The following ADGRB1 variants were observed in gnomAD, a reference collection of about 807,000 sequenced individuals.
ADGRB1 encodes brain-specific angiogenesis inhibitor 1.
ADGRB1 carries 36 observed loss-of-function variants against 175.7 expected under a neutral mutation model. The ratio of observed to expected loss-of-function variants is 0.20; its 90% CI spans 0.16 to 0.27. ADGRB1 has a LOEUF of 0.27. Ranked by LOEUF, ADGRB1 falls within the 10% of genes least tolerant of loss-of-function variation. The pLI is 1.00. For synonymous variants in ADGRB1, 1,054 were observed against 979.4 expected (o/e 1.08, Z -1.42); for missense variants, 1,731 against 2,255.3 (o/e 0.77, Z 4.71).
chr8:142,537,047 G>T lies in ADGRB1; in HGVS notation c.3631G>T (p.Gly1211Trp). 1 of 1,583,646 alleles carries T rather than the reference G, an allele frequency of 6.3e-7. No individual in the cohort carries two copies. ...GCAGGAGGAGGGCAACGGGGACTCA[G>T]GGGGCTCCTTCCAGAACGGCCACGC... is the stretch of plus-strand genomic sequence containing the variant. ...DRQEEGNGDS[G>W]GSFQNGHAQL... Residue 1211 changes from glycine to tryptophan, a missense_variant, in exon 26 of 31, where the codon GGG becomes TGG. Coordinates refer to ENST00000517894, the MANE Select transcript of ADGRB1 (RefSeq NM_001702.3). This position sits in a 1 kb window ranked among gnomAD's most constrained non-coding sequence, Gnocchi z 4.6.
At chr8:142,539,542 C>A in intron 27 of ADGRB1, 129 bp downstream of exon 27, 1 of 1,181,190 alleles carries the variant, frequency 8.5e-7, no homozygotes, top group Non-Finnish European at 1.2e-6. Flanking sequence ...CCACACCCAG[C>A]CACACCGTCA....
At chr8:142,507,846 G>A (rs911947295) in intron 17 of ADGRB1, among the ~76,000 whole-genome samples, 3 of 152,182 alleles carry the variant, frequency 2.0e-5, no homozygotes, top group African/African-American at 7.2e-5. Flanking sequence ...ACAGGGAAAA[G>A]CGGTCTGCAG....
chr8:142,539,295 T>C, intron 26 of ADGRB1, 79 bp from the exon 27 acceptor site: 1 of 1,453,538 alleles, frequency 6.9e-7, no homozygotes, highest in South Asian at 1.3e-5. Context: ...ACCGTGGCCC[T>C]CCCGAGCGGT....
In ADGRB1 at chr8:142,542,398, CCCCGCCCGCAG is replaced by C; in HGVS notation, c.4172_4182del (p.Arg1391LeufsTer89). On this transcript the variant is annotated frameshift_variant, in exon 28 of 31. Transcript: ENST00000517894. LOFTEE classifies it high-confidence loss of function. This position sits in a 1 kb window ranked among gnomAD's most constrained non-coding sequence, Gnocchi z 6.3. Reference sequence around the variant, plus strand: ...TCAGCACGGCCCCCGAGGCCAGCCTCCCCGCCCGCAGCCCGCCCTCCCGCCAGCCCCCCAGC... The same window carrying C: ...TCAGCACGGCCCCCGAGGCCAGCCTCCCCGCCCTCCCGCCAGCCCCCCAGC... 1 of 1,548,624 alleles carries C rather than the reference CCCCGCCCGCAG, an allele frequency of 6.5e-7. No homozygotes were observed. The highest frequency in any genetic ancestry group is 8.7e-7 in the Non-Finnish European group (1 of 1,147,726).
At position 142,488,497 on chromosome 8, in the gene ADGRB1, G is replaced by A. The variant is rs555259634; in HGVS notation, c.2442G>A (p.Thr814=). ...RVTVSKSVFS[T]GLTEADEASV... ...CTGTGTCCAAGAGTGTCTTCTCCACGGGGCTGACAGGTGAGGGGCCCAGGG... is the reference window on the plus strand; with the variant it reads ...CTGTGTCCAAGAGTGTCTTCTCCACAGGGCTGACAGGTGAGGGGCCCAGGG... Residue 814 remains threonine, a synonymous_variant, in exon 14 of 31, where the codon ACG becomes ACA. Transcript: ENST00000517894. 21 of 1,612,522 alleles carry A rather than the reference G, an allele frequency of 1.3e-5. No individual in the cohort carries two copies. The East Asian group carries it at 1.8e-4, about 14-fold the overall frequency.
chr8:142,526,794 A>G (rs1386729334), intron 24 of ADGRB1, among the ~76,000 whole-genome samples, 167 bp downstream of exon 24: 1 of 152,224 alleles, frequency 6.6e-6, no homozygotes, highest in Admixed American at 6.5e-5. Flanking sequence ...CCTTAGGCTC[A>G]GCCAGCCCCT....
At chr8:142,522,755 C>T (rs1377473378) in intron 22 of ADGRB1, 45 bp downstream of exon 22, 2 of 1,433,070 alleles carry the variant, frequency 1.4e-6, no homozygotes, top group African/African-American at 1.5e-5. Flanking sequence ...ACATGGCCCC[C>T]CAGAGACTTC....
chr8:142,488,657 T>C, intron 14 of ADGRB1, 150 bp downstream of exon 14: 1 of 1,114,880 alleles, frequency 9.0e-7, no homozygotes, highest in East Asian at 2.6e-5. Context: ...CCTTGCCCTC[T>C]CTGGGGCCAG....
At chr8:142,461,901 C>T (rs1315251884) in intron 1 of ADGRB1, among the ~76,000 whole-genome samples, 2 of 152,114 alleles carry the variant, frequency 1.3e-5, no homozygotes, top group Non-Finnish European at 2.9e-5. Flanking sequence ...CAGGCTCTGC[C>T]GACACTCAGC....
rs1201425731 is a variant in ADGRB1, at chr8:142,543,719, C to A, written c.4557+11C>A. The A allele has an allele frequency of 2.5e-6, 3 of 1,213,944 alleles. No individual in the cohort carries two copies. The highest frequency in any genetic ancestry group is 1.6e-5 in the African/African-American group (1 of 63,630). The allele number at this position is 1,213,944 out of a possible 1,614,324, so 75.2% of individuals were successfully genotyped here. A position where few individuals can be genotyped will look rare whatever the true frequency, so the allele number is the denominator to read the frequency against. ...GGGCCGGACAGCAAGGTCTGGAGGG[C>A]AGGGAGGGGCGGGGTGGGGAGAGCC... On this transcript the variant is annotated intron_variant, in intron 30 of 30. Coordinates refer to ENST00000517894, the MANE Select transcript of ADGRB1 (RefSeq NM_001702.3). The surrounding 1 kb of genome is among the most constrained non-coding windows in gnomAD (Gnocchi z 4.4).
rs59373564 is a variant in ADGRB1, at chr8:142,514,520, C to T, written c.2817+3447C>T. On this transcript the variant is annotated intron_variant, in intron 18 of 30. Coordinates refer to ENST00000517894, the MANE Select transcript of ADGRB1 (RefSeq NM_001702.3). Reference sequence around the variant, plus strand: ...ATTTATGGCACTTGACATAGTCTGGCGTGTAGTAAACAGTCTGAAAAGGAC... The same window carrying T: ...ATTTATGGCACTTGACATAGTCTGGTGTGTAGTAAACAGTCTGAAAAGGAC... 5.6e-3 allele frequency among the ~76,000 whole-genome samples: 848 copies of T among 152,160 alleles called. 9 individuals carry two copies. The highest frequency in any genetic ancestry group is 0.019 in the African/African-American group (803 of 41,514).
At position 142,522,014 on chromosome 8, in the gene ADGRB1, C is replaced by G; in HGVS notation, c.3074C>G (p.Ser1025Cys). 6.2e-7 allele frequency: 1 copy of G among 1,611,680 alleles called. No homozygotes were observed. The highest frequency in any genetic ancestry group is 1.1e-5 in the South Asian group (1 of 90,628). Residue 1025 changes from serine to cysteine, a missense_variant, in exon 21 of 31, where the codon TCC (serine) becomes TGC (cysteine). Ser to Cys is a moderately radical substitution (Grantham distance 112, BLOSUM62 -1). This residue lies in a region of ADGRB1 where 301 missense variants were observed against 488.4 expected (regional missense o/e 0.62). Coordinates refer to ENST00000517894, the MANE Select transcript of ADGRB1 (RefSeq NM_001702.3). ...TTCCTGCACTTCTTCTTCCTGTCCTCCTTCTGCTGGGTGCTCACCGAGGCC... is the reference window on the plus strand; with the variant it reads ...TTCCTGCACTTCTTCTTCCTGTCCTGCTTCTGCTGGGTGCTCACCGAGGCC... ...AAFLHFFFLS[S>C]FCWVLTEAWQ...
intron 17 of ADGRB1, among the ~76,000 whole-genome samples, chr8:142,496,482 G>C (rs1842222333): frequency 6.6e-6 from 1 of 152,166 alleles, no homozygotes; most frequent in South Asian, 2.1e-4. Flanking sequence ...TGGGCTGGTG[G>C]GTGACAGGAA....
At chr8:142,489,527 G>T in intron 16 of ADGRB1, 89 bp downstream of exon 16, 4 of 1,392,414 alleles carry the variant, frequency 2.9e-6, no homozygotes, top group Non-Finnish European at 3.0e-6. Flanking sequence ...AGCCTTTGGG[G>T]CCTCCTCACA....
intron 2 of ADGRB1, among the ~76,000 whole-genome samples, chr8:142,469,693 G>A (rs766603494): frequency 1.7e-4 from 25 of 147,418 alleles, no homozygotes; most frequent in Non-Finnish European, 3.1e-4. Flanking sequence ...GTGTGAATGT[G>A]TGCGTGCCTG....
At chr8:142,505,894 T>C (rs888609729) in intron 17 of ADGRB1, among the ~76,000 whole-genome samples, 1 of 152,074 alleles carries the variant, frequency 6.6e-6, no homozygotes, top group Non-Finnish European at 1.5e-5. Context: ...GATTAGCTGG[T>C]GGGCAGCTGC....
intron 1 of ADGRB1, among the ~76,000 whole-genome samples, chr8:142,451,241 C>T (rs1839332886): frequency 6.6e-6 from 1 of 152,182 alleles, no homozygotes; most frequent in South Asian, 2.1e-4. Context: ...CGTCCCTCCT[C>T]CTGGCCGCGG....
intron 17 of ADGRB1, among the ~76,000 whole-genome samples, chr8:142,498,407 C>T (rs988418593): frequency 6.6e-6 from 1 of 152,138 alleles, no homozygotes; most frequent in African/African-American, 2.4e-5. Flanking sequence ...CTCACACACT[C>T]AGGCTGCCCA....
intron 17 of ADGRB1, among the ~76,000 whole-genome samples, chr8:142,491,119 T>C (rs1563707378): frequency 1.3e-5 from 2 of 152,264 alleles, no homozygotes; most frequent in East Asian, 3.9e-4. Context: ...CCCAGCCCCA[T>C]GCCCACAGCA....
Sources: allele counts gnomAD v4.1 joint callset (sites outside exome capture counted in the v4.1 genomes callset), GRCh38; gene constraint gnomAD v4.1.1; regional missense constraint gnomAD v4.1.1; non-coding constraint Gnocchi (gnomAD v3.1); transcripts MANE v1.5; gene names NCBI Gene and HGNC (gene_info 2026-07-23, HGNC 2026-07-21).